Variants in PCSK5 observed in about 807,000 individuals in gnomAD.
PCSK5 encodes prohormone convertase 5.
In PCSK5, 129 loss-of-function variants were observed where a neutral mutation model predicts 233.2. That is an observed-to-expected ratio of 0.55 (90% CI 0.48 to 0.64). PCSK5 has a LOEUF of 0.64. Ranked by LOEUF, PCSK5 falls within the 30% of genes least tolerant of loss-of-function variation. PCSK5 has a pLI of 0.00. For missense variants in PCSK5, 2,076 were observed against 2,430.1 expected (o/e 0.85, Z 3.06); for synonymous variants, 825 against 879.2 (o/e 0.94, Z 1.09).
intron 20 of PCSK5, among the ~76,000 whole-genome samples, chr9:76,211,432 C>G (rs1295915265): frequency 1.3e-5 from 2 of 152,204 alleles, no homozygotes; most frequent in African/African-American, 2.4e-5. Flanking sequence ...TGTAGAAACT[C>G]TAATTATTAG....
intron 34 of PCSK5, among the ~76,000 whole-genome samples, chr9:76,334,367 A>G (rs901936200): frequency 2.0e-5 from 3 of 152,224 alleles, no homozygotes; most frequent in Non-Finnish European, 4.4e-5. Flanking sequence ...CTCATGGAAG[A>G]AAAACACCTC....
chr9:76,008,820 A>G (rs1331180975), intron 3 of PCSK5, among the ~76,000 whole-genome samples: 4 of 152,226 alleles, frequency 2.6e-5, no homozygotes, highest in Non-Finnish European at 5.9e-5. Flanking sequence ...TGGAGATGTC[A>G]TAGGACAAAT....
At chr9:76,269,111 C>T (rs1030751429) in intron 24 of PCSK5, among the ~76,000 whole-genome samples, 1 of 152,248 alleles carries the variant, frequency 6.6e-6, no homozygotes, top group Non-Finnish European at 1.5e-5. Context: ...TCATTTGCTC[C>T]TCAGCCCCAA....
intron 6 of PCSK5, among the ~76,000 whole-genome samples, chr9:76,069,355 C>T (rs1276557672): frequency 1.3e-5 from 2 of 151,754 alleles, no homozygotes; most frequent in East Asian, 3.9e-4. Context: ...CTTATCAATA[C>T]TCTCCAGCAC....
At chr9:75,977,902 C>T (rs1034961223) in intron 2 of PCSK5, among the ~76,000 whole-genome samples, 8 of 151,396 alleles carry the variant, frequency 5.3e-5, no homozygotes, top group East Asian at 2.0e-4. Context: ...TGAGCCACCG[C>T]GCCCGGCCAA....
chr9:75,960,894 T>C (rs1419168033), intron 2 of PCSK5, among the ~76,000 whole-genome samples: 1 of 152,174 alleles, frequency 6.6e-6, no homozygotes, highest in Non-Finnish European at 1.5e-5. Flanking sequence ...CACATCTGGC[T>C]ACCCTGTACA....
chr9:75,986,196 C>A lies in PCSK5; in HGVS notation c.362C>A (p.Ala121Asp). The A allele has an allele frequency of 6.2e-7, 1 of 1,613,570 alleles. No homozygotes were observed. The highest frequency in any genetic ancestry group is 2.2e-5 in the East Asian group (1 of 44,878). Residue 121 changes from alanine (A) to aspartate (D), a missense_variant, in exon 3 of 38, where the codon GCC becomes GAC. Physicochemically the swap from Ala to Asp is moderately radical, Grantham distance 126. Around this residue, in one of 6 missense-constraint regions of PCSK5, gnomAD observed 190 missense variants for 216.3 expected, o/e 0.88. Coordinates refer to ENST00000674117, the MANE Select transcript of PCSK5 (RefSeq NM_001372043.1). The stretch of plus-strand genomic sequence containing the variant: ...AAGAGGGATTATGACTTCAGTCGTG[C>A]CCAGTCTACCTATTTCAATGATCCC... ...RTKRDYDFSR[A>D]QSTYFNDPKW...
In PCSK5 at chr9:76,321,533, C is replaced by T. The variant is rs754429329; in HGVS notation, c.3996C>T (p.His1332=). 22 of 1,611,404 alleles carry T rather than the reference C, an allele frequency of 1.4e-5. No homozygotes were observed. The highest frequency in any genetic ancestry group is 5.5e-5 in the South Asian group (5 of 91,056). ...HSCEGGHVLH[H]GVCQENCPER... ...GTGAAGGAGGCCACGTCCTGCACCA[C>T]GGAGTGTGCCAGGAAAACTGCCCCG... Residue 1332 remains histidine, a synonymous_variant, in exon 31 of 38, where the codon CAC becomes CAT. Transcript: ENST00000674117.
At chr9:76,215,880 A>G (rs1298849927) in intron 20 of PCSK5, among the ~76,000 whole-genome samples, 1 of 152,180 alleles carries the variant, frequency 6.6e-6, no homozygotes, top group Admixed American at 6.5e-5. Flanking sequence ...CAGAGGTTGC[A>G]GTAAGCCAAG....
chr9:76,085,090 C>T (rs769716595), intron 7 of PCSK5, among the ~76,000 whole-genome samples: 1 of 152,210 alleles, frequency 6.6e-6, no homozygotes, highest in African/African-American at 2.4e-5. Flanking sequence ...GACTGTGGCA[C>T]TTTCTGCCAT....
At chr9:76,329,255 C>G (rs1174199125) in intron 33 of PCSK5, among the ~76,000 whole-genome samples, 1 of 152,060 alleles carries the variant, frequency 6.6e-6, no homozygotes, top group African/African-American at 2.4e-5. Context: ...CCTGCCTCAG[C>G]CTCCCAAGTA....
chr9:76,110,156 G>A (rs529200924), intron 9 of PCSK5, among the ~76,000 whole-genome samples: 2 of 152,322 alleles, frequency 1.3e-5, no homozygotes, highest in African/African-American at 2.4e-5. Flanking sequence ...CTTTTAAGAA[G>A]AGAGGAGAGA....
intron 20 of PCSK5, among the ~76,000 whole-genome samples, chr9:76,200,234 A>C (rs546815727): frequency 6.6e-6 from 1 of 152,292 alleles, no homozygotes; most frequent in East Asian, 1.9e-4. Flanking sequence ...CTGTCACCTC[A>C]CACCACCATC....
intron 9 of PCSK5, among the ~76,000 whole-genome samples, chr9:76,132,174 A>G (rs558214919): frequency 6.6e-6 from 1 of 152,218 alleles, no homozygotes; most frequent in South Asian, 2.1e-4. Context: ...CCGTGACAGT[A>G]GTGCATTGAG....
At chr9:76,036,215 G>A (rs2131516867) in intron 5 of PCSK5, among the ~76,000 whole-genome samples, 1 of 152,264 alleles carries the variant, frequency 6.6e-6, no homozygotes, top group African/African-American at 2.4e-5. Flanking sequence ...TAATTACAAT[G>A]CAAGCTTTCT....
intron 3 of PCSK5, among the ~76,000 whole-genome samples, chr9:75,996,246 A>G (rs1804656562): frequency 6.6e-6 from 1 of 152,170 alleles, no homozygotes; most frequent in Admixed American, 6.5e-5. Context: ...TTATTAATGC[A>G]TTTATTTATT....
intron 20 of PCSK5, among the ~76,000 whole-genome samples, chr9:76,223,630 G>C (rs574391644): frequency 1.9e-4 from 29 of 152,260 alleles, no homozygotes; most frequent in Admixed American, 1.9e-3. Context: ...AAACTAAAGG[G>C]GGAATGGAAC....
At chr9:76,309,627 G>A (rs1262873505) in intron 29 of PCSK5, among the ~76,000 whole-genome samples, 1 of 151,996 alleles carries the variant, frequency 6.6e-6, no homozygotes, top group Middle Eastern at 3.4e-3. Flanking sequence ...CTGGGAGGTA[G>A]AGGTTGCAGT....
intron 8 of PCSK5, among the ~76,000 whole-genome samples, chr9:76,102,934 A>G (rs991601724): frequency 2.6e-5 from 4 of 152,222 alleles, no homozygotes; most frequent in Non-Finnish European, 5.9e-5. Context: ...TGGAGATACA[A>G]AAGTGATGTA....
Sources: allele counts gnomAD v4.1 joint callset (sites outside exome capture counted in the v4.1 genomes callset), GRCh38; gene constraint gnomAD v4.1.1; regional missense constraint gnomAD v4.1.1; transcripts MANE v1.5; gene names NCBI Gene and HGNC (gene_info 2026-07-23, HGNC 2026-07-21).